Variants in GPHN observed in about 807,000 individuals in gnomAD.
GPHN encodes the protein gephyrin.
GPHN carries 17 observed loss-of-function variants against 95.5 expected under a neutral mutation model. The ratio of observed to expected loss-of-function variants is 0.18; its 90% CI spans 0.12 to 0.27. GPHN has a LOEUF of 0.27. GPHN is among the 10% of genes least tolerant of loss of function. The pLI is 1.00. For missense variants in GPHN, 660 were observed against 978.1 expected (o/e 0.67, Z 4.34); for synonymous variants, 320 against 322.5 (o/e 0.99, Z 0.08).
At chr14:67,417,732 T>C in the GPHN span, among the ~76,000 whole-genome samples, 1 of 151,026 alleles carries the variant, frequency 6.6e-6, no homozygotes, top group Non-Finnish European at 1.5e-5. Context: ...TTTTGTTTTG[T>C]TTGGATTTTT....
chr14:67,111,892 T>C lies in GPHN; in HGVS notation c.1445T>C (p.Val482Ala), dbSNP rs1567347826. The change falls in exon 15 of 23, where the codon GTG (valine) becomes GCG (alanine). Residue 482 changes from valine (V) to alanine (A), a missense_variant. Physicochemically the swap from Val to Ala is moderately conservative, Grantham distance 64. Around this residue, in one of 6 missense-constraint regions of GPHN, gnomAD observed 257 missense variants for 376.2 expected, o/e 0.68. Coordinates refer to ENST00000478722, the MANE Select transcript of GPHN (RefSeq NM_020806.5). Reference sequence around the variant, plus strand: ...GAAGAACTTGAAGTGCGAATTCTGGTGCAAGCTCGGCCAGGCCAAGATATC... The same window carrying C: ...GAAGAACTTGAAGTGCGAATTCTGGCGCAAGCTCGGCCAGGCCAAGATATC... The part of the protein sequence containing the change: ...GTEELEVRIL[V>A]QARPGQDIRP... The C allele has an allele frequency of 6.2e-7, 1 of 1,613,484 alleles. No individual in the cohort carries two copies.
chr14:67,397,649 G>C, the GPHN span: 2 of 1,603,858 alleles, frequency 1.2e-6, no homozygotes, highest in Non-Finnish European at 1.7e-6. Flanking sequence ...GGACAGCAGG[G>C]GCCATCACTT....
At chr14:67,707,333 C>T in the GPHN span, among the ~76,000 whole-genome samples, 1 of 152,196 alleles carries the variant, frequency 6.6e-6, no homozygotes, top group African/African-American at 2.4e-5. Flanking sequence ...ACAATCTTTT[C>T]TCTCTCCAGT....
At chr14:67,697,197 T>G in the GPHN span, among the ~76,000 whole-genome samples, 1 of 152,322 alleles carries the variant, frequency 6.6e-6, no homozygotes, top group East Asian at 1.9e-4. Flanking sequence ...GAGAAGACCT[T>G]AAATAAGTAA....
the GPHN span, chr14:67,580,939 T>C: frequency 3.1e-6 from 5 of 1,607,498 alleles, no homozygotes; most frequent in Non-Finnish European, 4.3e-6. Flanking sequence ...CTTTTCAAGA[T>C]CTGTGATGCC....
the GPHN span, among the ~76,000 whole-genome samples, chr14:67,437,859 G>C: frequency 6.6e-6 from 1 of 152,070 alleles, no homozygotes; most frequent in Non-Finnish European, 1.5e-5. Flanking sequence ...TTGGGAGGAG[G>C]TTTTGCTGGT....
chr14:66,775,438 A>T (rs1734542163), intron 2 of GPHN, among the ~76,000 whole-genome samples: 2 of 152,180 alleles, frequency 1.3e-5, no homozygotes, highest in African/African-American at 4.8e-5. Context: ...TAAAGTTTCT[A>T]AGTAGCCACA....
At chr14:67,191,632 G>A in the GPHN span, among the ~76,000 whole-genome samples, 230 of 152,212 alleles carry the variant, frequency 1.5e-3, 1 homozygote, top group Non-Finnish European at 2.7e-3. Context: ...TCCCATATCC[G>A]TATCTAAGAA....
At chr14:67,211,844 TTAAA>T in the GPHN span, among the ~76,000 whole-genome samples, 2 of 152,092 alleles carry the variant, frequency 1.3e-5, no homozygotes, top group Non-Finnish European at 2.9e-5. Flanking sequence ...ACACTGACTC[TTAAA>T]TAAATAAATA....
At chr14:67,329,553 G>A in the GPHN span, among the ~76,000 whole-genome samples, 19 of 152,230 alleles carry the variant, frequency 1.2e-4, no homozygotes, top group African/African-American at 4.1e-4. Context: ...CCTGTCTTGC[G>A]CCAGTTTTCA....
At chr14:67,390,838 C>T in the GPHN span, 203 of 865,292 alleles carry the variant, frequency 2.3e-4, no homozygotes, top group Admixed American at 4.1e-4. Context: ...CCCCAACAAG[C>T]CAGCCCGCTC....
At chr14:67,394,872 C>A in the GPHN span, among the ~76,000 whole-genome samples, 5 of 152,060 alleles carry the variant, frequency 3.3e-5, no homozygotes, top group African/African-American at 1.2e-4. Flanking sequence ...GAAGAGAGAT[C>A]GGAGCAAGCA....
At chr14:67,100,112 A>G (rs1300187893) in intron 12 of GPHN, among the ~76,000 whole-genome samples, 1 of 152,198 alleles carries the variant, frequency 6.6e-6, no homozygotes, top group South Asian at 2.1e-4. Flanking sequence ...TAAATAGCCA[A>G]TGGAAAATGT....
chr14:66,695,633 G>A (rs922093625), intron 2 of GPHN, among the ~76,000 whole-genome samples: 7 of 152,200 alleles, frequency 4.6e-5, no homozygotes, highest in Non-Finnish European at 8.8e-5. Context: ...GAATGGATAA[G>A]TAAACTGTGG....
At chr14:67,566,814 G>C in the GPHN span, among the ~76,000 whole-genome samples, 1 of 151,936 alleles carries the variant, frequency 6.6e-6, no homozygotes, top group African/African-American at 2.4e-5. Flanking sequence ...GTGTGAGAGA[G>C]AGGGTGGAGG....
chr14:66,777,031 A>G (rs574231356), intron 3 of GPHN, among the ~76,000 whole-genome samples: 8 of 152,054 alleles, frequency 5.3e-5, no homozygotes, highest in Non-Finnish European at 1.0e-4. Flanking sequence ...TGCTATCCCG[A>G]GCTGGTTTTT....
intron 5 of GPHN, among the ~76,000 whole-genome samples, chr14:66,904,067 A>C (rs2065248767): frequency 2.0e-5 from 3 of 152,078 alleles, no homozygotes; most frequent in African/African-American, 7.2e-5. Flanking sequence ...TCGCCTTCAT[A>C]CTGGAGTTAT....
chr14:67,291,778 C>A, the GPHN span, among the ~76,000 whole-genome samples: 1 of 152,146 alleles, frequency 6.6e-6, no homozygotes, highest in South Asian at 2.1e-4. Flanking sequence ...CCTCAACTTC[C>A]TTACTAGTCA....
chr14:67,561,277 G>C, the GPHN span, among the ~76,000 whole-genome samples: 101 of 152,372 alleles, frequency 6.6e-4, no homozygotes, highest in Middle Eastern at 3.4e-3. Flanking sequence ...GCTGGGGGCA[G>C]TGGCTCACAC....
Sources: allele counts gnomAD v4.1 joint callset (sites outside exome capture counted in the v4.1 genomes callset), GRCh38; gene constraint gnomAD v4.1.1; regional missense constraint gnomAD v4.1.1; transcripts MANE v1.5; gene names NCBI Gene and HGNC (gene_info 2026-07-23, HGNC 2026-07-21).